Variants in MALRD1 observed in about 807,000 individuals in gnomAD.
MALRD1 encodes the protein MAM and LDL receptor class A domain containing 1.
Under a neutral mutation model 242.1 loss-of-function variants are expected in MALRD1, and 247 were observed. The observed-to-expected ratio is 1.02, with a 90% CI of 0.92 to 1.13. The LOEUF (loss-of-function observed/expected upper bound fraction) is 1.13, where lower values mean the gene tolerates loss of function less well. MALRD1 is among the 50% of genes most tolerant of loss of function. The pLI is 0.00. For missense variants in MALRD1, 2,989 were observed against 2,533.1 expected (o/e 1.18, Z -3.86); for synonymous variants, 995 against 866.6 (o/e 1.15, Z -2.60).
intron 29 of MALRD1, chr10:19,488,962 G>C (rs2131207211): frequency 2.4e-6 from 1 of 423,992 alleles, no homozygotes; most frequent in Non-Finnish European, 4.8e-6. Flanking sequence ...AAATTTAGCG[G>C]GGGCGGAGGA....
At chr10:19,543,369 T>C (rs1354554383) in intron 32 of MALRD1, among the ~76,000 whole-genome samples, 2 of 150,388 alleles carry the variant, frequency 1.3e-5, no homozygotes, top group East Asian at 2.0e-4. Context: ...GCTCAAGCAA[T>C]TCTCTGGCCT....
chr10:19,417,190 C>CT (rs1244919736), intron 28 of MALRD1, among the ~76,000 whole-genome samples: 1 of 152,120 alleles, frequency 6.6e-6, no homozygotes, highest in African/African-American at 2.4e-5. Flanking sequence ...TAATTTTTCT[C>CT]TTCACATGGT....
In MALRD1 at chr10:19,238,313, TATAC is replaced by T. The variant is rs1838512744; in HGVS notation, c.2992-19367_2992-19364del. ...AATATATATTATATATAATATGTAA[TATAC>T]ATAATGTATATTATACATAATATAT... On this transcript the variant is annotated intron_variant, in intron 18 of 39. Transcript: ENST00000454679. Among the ~76,000 whole-genome samples the T allele has an allele frequency of 5.9e-5, 5 of 84,254 alleles. 1 individual carries two copies. The South Asian group carries it at 1.7e-3, about 29-fold the overall frequency. The allele number at this position is 84,254 out of a possible 152,430, so 55.3% of individuals were successfully genotyped here. A position where few individuals can be genotyped will look rare whatever the true frequency, so the allele number is the denominator to read the frequency against.
intron 28 of MALRD1, among the ~76,000 whole-genome samples, chr10:19,396,251 C>T (rs1446930238): frequency 6.6e-6 from 1 of 151,370 alleles, no homozygotes; most frequent in Non-Finnish European, 1.5e-5. Context: ...ATTCTCCTGC[C>T]TCAGCCTCCT....
intron 33 of MALRD1, among the ~76,000 whole-genome samples, chr10:19,589,030 A>G (rs1214525863): frequency 5.9e-5 from 9 of 152,238 alleles, no homozygotes; most frequent in African/African-American, 9.6e-5. Context: ...CAATAAAGAC[A>G]AGGGTAAACA....
chr10:19,621,281 TGGGGA>T (rs1371581740), intron 36 of MALRD1, among the ~76,000 whole-genome samples: 1 of 148,266 alleles, frequency 6.7e-6, no homozygotes, highest in Non-Finnish European at 1.5e-5. Context: ...AACATATAAT[TGGGGA>T]TATTTGAAAA....
chr10:19,619,202 G>GT (rs147718428), intron 36 of MALRD1, among the ~76,000 whole-genome samples: 19,255 of 151,906 alleles, frequency 0.13, 3,178 homozygotes, highest in African/African-American at 0.38. Flanking sequence ...CTTTCTGTTT[G>GT]TTAACCTATT....
intron 28 of MALRD1, among the ~76,000 whole-genome samples, chr10:19,391,226 A>G (rs1323912546): frequency 1.3e-5 from 2 of 152,170 alleles, no homozygotes; most frequent in African/African-American, 4.8e-5. Context: ...CCTACTGTGC[A>G]CACACACAAA....
intron 21 of MALRD1, among the ~76,000 whole-genome samples, chr10:19,290,621 A>G (rs561034217): frequency 2.0e-5 from 3 of 152,290 alleles, no homozygotes; most frequent in East Asian, 3.9e-4. Flanking sequence ...TATTTTTCCT[A>G]GTATTTTGAG....
intron 9 of MALRD1, among the ~76,000 whole-genome samples, chr10:19,135,152 T>A (rs1234249608): frequency 1.3e-5 from 2 of 152,094 alleles, no homozygotes; most frequent in Non-Finnish European, 2.9e-5. Flanking sequence ...CAAATATATA[T>A]CCCTCGTATT....
intron 1 of MALRD1, among the ~76,000 whole-genome samples, chr10:19,064,932 T>A (rs1472763419): frequency 1.3e-5 from 2 of 151,706 alleles, no homozygotes; most frequent in Non-Finnish European, 2.9e-5. Flanking sequence ...TTATACCCAT[T>A]GTTATTTACG....
chr10:19,119,238 GA>G (rs1360638345), intron 5 of MALRD1, among the ~76,000 whole-genome samples: 1 of 152,154 alleles, frequency 6.6e-6, no homozygotes, highest in Non-Finnish European at 1.5e-5. Context: ...TGTGGGAAGA[GA>G]AAGTTTATGT....
chr10:19,390,997 A>G (rs1403698985), intron 28 of MALRD1, among the ~76,000 whole-genome samples: 7 of 152,300 alleles, frequency 4.6e-5, no homozygotes, highest in African/African-American at 1.7e-4. Context: ...GGTGTGCACC[A>G]TGTTAGAGAT....
chr10:19,335,644 T>A (rs1033995884), intron 24 of MALRD1, among the ~76,000 whole-genome samples: 1 of 152,186 alleles, frequency 6.6e-6, no homozygotes, highest in Non-Finnish European at 1.5e-5. Context: ...GTCTCCTTTC[T>A]TTGTTTTGTT....
At chr10:19,217,595 C>T (rs1399285157) in intron 18 of MALRD1, among the ~76,000 whole-genome samples, 3 of 144,774 alleles carry the variant, frequency 2.1e-5, no homozygotes, top group African/African-American at 5.1e-5. Context: ...TGCAGTGGTG[C>T]GATCTCAGCT....
intron 32 of MALRD1, among the ~76,000 whole-genome samples, chr10:19,549,409 A>G (rs529783479): frequency 6.6e-6 from 1 of 152,284 alleles, no homozygotes; most frequent in East Asian, 1.9e-4. Flanking sequence ...CGTGCAGCAA[A>G]CTTATTGTCT....
chr10:19,465,804 G>A (rs1420110860), intron 29 of MALRD1, among the ~76,000 whole-genome samples: 1 of 152,160 alleles, frequency 6.6e-6, no homozygotes, highest in African/African-American at 2.4e-5. Flanking sequence ...AAAGTGCTGC[G>A]ATAACTGAGC....
intron 26 of MALRD1, among the ~76,000 whole-genome samples, chr10:19,358,499 C>T (rs1381956246): frequency 6.6e-6 from 1 of 152,064 alleles, no homozygotes; most frequent in Admixed American, 6.6e-5. Flanking sequence ...TTTCGTGAAA[C>T]CTACATATGC....
At chr10:19,473,520 T>C (rs1467394153) in intron 29 of MALRD1, among the ~76,000 whole-genome samples, 1 of 152,016 alleles carries the variant, frequency 6.6e-6, no homozygotes, top group Non-Finnish European at 1.5e-5. Flanking sequence ...TTTTACTTTC[T>C]GTCTCTGTGA....
Sources: allele counts gnomAD v4.1 joint callset (sites outside exome capture counted in the v4.1 genomes callset), GRCh38; gene constraint gnomAD v4.1.1; transcripts MANE v1.5; gene names NCBI Gene and HGNC (gene_info 2026-07-23, HGNC 2026-07-21).